Variants in CIMIP2C observed in about 807,000 individuals in gnomAD.
The protein encoded by CIMIP2C is UPF0573 protein C2orf70.
At chr2:26,562,608 C>A in the CIMIP2C span, 1 of 1,574,736 alleles carries the variant, frequency 6.4e-7, no homozygotes, top group Non-Finnish European at 8.6e-7. Context: ...ACTCGCGCAC[C>A]CACCATGGCC....
the CIMIP2C span, among the ~76,000 whole-genome samples, chr2:26,568,572 G>A: frequency 8.5e-5 from 13 of 152,326 alleles, no homozygotes; most frequent in East Asian, 2.5e-3. Context: ...TTTAAAATGT[G>A]CCACCATTTG....
the CIMIP2C span, among the ~76,000 whole-genome samples, chr2:26,574,007 A>G: frequency 6.6e-6 from 1 of 152,234 alleles, no homozygotes; most frequent in Non-Finnish European, 1.5e-5. Context: ...TGAAGACAGA[A>G]AAGAAGGAAA....
chr2:26,575,821 C>G, the CIMIP2C span: 1 of 1,507,334 alleles, frequency 6.6e-7, no homozygotes, highest in Admixed American at 1.9e-5. Context: ...ACAGCATCCT[C>G]CACTTTTAAG....
the CIMIP2C span, among the ~76,000 whole-genome samples, chr2:26,566,171 C>T: frequency 6.6e-6 from 1 of 152,256 alleles, no homozygotes; most frequent in African/African-American, 2.4e-5. Context: ...CATGCCCAGA[C>T]TGCCACTGCG....
At chr2:26,570,910 G>T in the CIMIP2C span, among the ~76,000 whole-genome samples, 1 of 152,180 alleles carries the variant, frequency 6.6e-6, no homozygotes, top group Non-Finnish European at 1.5e-5. Context: ...CTAAGGAGGG[G>T]CCTAAGCAGG....
At chr2:26,572,822 G>C in the CIMIP2C span, among the ~76,000 whole-genome samples, 1 of 152,052 alleles carries the variant, frequency 6.6e-6, no homozygotes, top group Admixed American at 6.5e-5. Flanking sequence ...GGAGGGAGGG[G>C]AGAGGTGGGC....
chr2:26,575,857 C>A, the CIMIP2C span: 1 of 1,593,738 alleles, frequency 6.3e-7, no homozygotes, highest in Non-Finnish European at 8.5e-7. Flanking sequence ...AGGCCTGGGG[C>A]CCTTCACTGA....
At chr2:26,579,441 C>A in the CIMIP2C span, 1 of 1,613,346 alleles carries the variant, frequency 6.2e-7, no homozygotes, top group Non-Finnish European at 8.5e-7. Context: ...GAGCATGAGA[C>A]TTTTAGTTCA....
the CIMIP2C span, chr2:26,579,086 ATCT>A: frequency 3.4e-6 from 2 of 595,414 alleles, no homozygotes; most frequent in African/African-American, 1.9e-5. Flanking sequence ...TCTGTCTGAC[ATCT>A]GTGTCCTCAC....
the CIMIP2C span, chr2:26,579,214 G>A: frequency 1.3e-6 from 2 of 1,545,612 alleles, no homozygotes; most frequent in South Asian, 1.2e-5. Context: ...TGGAAAGTGG[G>A]CACGTGGGGC....
chr2:26,579,397 G>A, the CIMIP2C span: 4 of 1,613,902 alleles, frequency 2.5e-6, no homozygotes, highest in African/African-American at 2.7e-5. Context: ...CTCTCCACAG[G>A]AGCGGAAAAA....
At chr2:26,565,491 C>T in the CIMIP2C span, among the ~76,000 whole-genome samples, 24 of 152,320 alleles carry the variant, frequency 1.6e-4, no homozygotes, top group South Asian at 4.1e-4. Context: ...GTGACTTCAA[C>T]GCCCCAACTC....
At chr2:26,574,614 G>A in the CIMIP2C span, among the ~76,000 whole-genome samples, 1 of 152,252 alleles carries the variant, frequency 6.6e-6, no homozygotes, top group East Asian at 1.9e-4. Flanking sequence ...GCACACAGGA[G>A]GTGGCTACGG....
chr2:26,562,797 C>G, the CIMIP2C span: 53 of 927,544 alleles, frequency 5.7e-5, no homozygotes, highest in African/African-American at 8.4e-4. Flanking sequence ...CCCCGAGGAG[C>G]CAATTTTCCA....
At chr2:26,572,320 T>C in the CIMIP2C span, among the ~76,000 whole-genome samples, 1 of 151,890 alleles carries the variant, frequency 6.6e-6, no homozygotes, top group Non-Finnish European at 1.5e-5. Context: ...CACCACTCAT[T>C]CTAACAGAGG....
the CIMIP2C span, chr2:26,562,719 C>T: frequency 1.3e-6 from 2 of 1,531,844 alleles, no homozygotes; most frequent in African/African-American, 1.4e-5. Context: ...TCCCCTCCCC[C>T]TTCCACTAGC....
the CIMIP2C span, chr2:26,575,911 C>T: frequency 1.2e-6 from 2 of 1,612,624 alleles, no homozygotes; most frequent in Non-Finnish European, 1.7e-6. Context: ...GGTACCAGGG[C>T]CACGTCCCCA....
At chr2:26,573,637 T>A in the CIMIP2C span, among the ~76,000 whole-genome samples, 1 of 152,234 alleles carries the variant, frequency 6.6e-6, no homozygotes, top group African/African-American at 2.4e-5. Flanking sequence ...GTCTTCCCAG[T>A]TCCAGAGGAG....
the CIMIP2C span, among the ~76,000 whole-genome samples, chr2:26,570,899 G>A: frequency 6.6e-6 from 1 of 152,162 alleles, no homozygotes; most frequent in Non-Finnish European, 1.5e-5. Context: ...CAGGCCAGTG[G>A]CTAAGGAGGG....
Sources: allele counts gnomAD v4.1 joint callset (sites outside exome capture counted in the v4.1 genomes callset), GRCh38; gene constraint gnomAD v4.1.1; transcripts MANE v1.5; gene names NCBI Gene and HGNC (gene_info 2026-07-23, HGNC 2026-07-21).